Variants in PALM observed in about 807,000 individuals in gnomAD.
PALM encodes paralemmin-1.
In PALM, 18 loss-of-function variants were observed where a neutral mutation model predicts 30.7. The observed-to-expected ratio is 0.59, with a 90% CI of 0.41 to 0.87. PALM has a LOEUF of 0.87. PALM is among the 40% of genes least tolerant of loss of function. The probability of loss-of-function intolerance (pLI) is 0.00; values close to 1 mark genes in which losing one functional copy is unlikely to be tolerated. For synonymous variants in PALM, 286 were observed against 242.8 expected (o/e 1.18, Z -1.66); for missense variants, 529 against 555.4 (o/e 0.95, Z 0.48).
At chr19:740,023 C>T (rs2033140754) in intron 7 of PALM, among the ~76,000 whole-genome samples, 1 of 152,300 alleles carries the variant, frequency 6.6e-6, no homozygotes, top group African/African-American at 2.4e-5. Context: ...TGGGCTGGAA[C>T]CTGAGCTTGA....
chr19:726,926 G>T (rs1209900377), intron 2 of PALM, 82 bp from the exon 3 acceptor site: 5 of 880,002 alleles, frequency 5.7e-6, no homozygotes, highest in Non-Finnish European at 9.1e-6. Context: ...GCAGGATCGG[G>T]CTGGGCAGAG....
At chr19:725,997 C>T (rs2144876992) in intron 1 of PALM, 141 bp from the exon 2 acceptor site, 3 of 707,548 alleles carry the variant, frequency 4.2e-6, no homozygotes, top group East Asian at 5.1e-5. Context: ...CCCCACTTTA[C>T]AGAAGGGGAA....
intron 6 of PALM, 47 bp downstream of exon 6, chr19:734,241 G>A: frequency 6.3e-7 from 1 of 1,587,592 alleles, no homozygotes; most frequent in South Asian, 1.1e-5. Flanking sequence ...CACTCTGGTG[G>A]CCAGAGAGGG....
rs568154178 is a variant in PALM, at chr19:747,323, A to G, written c.*509A>G. The G allele has an allele frequency of 6.4e-6, 1 of 157,002 alleles. No homozygotes were observed. The highest frequency in any genetic ancestry group is 2.4e-5 in the African/African-American group (1 of 41,614). The allele number at this position is 157,002 out of a possible 1,614,324, so 9.7% of individuals were successfully genotyped here. ...TCCCTGGCCAAGGCGCTGGCCCCCC[A>G]ATCTCAGGCAGTTGGGGTGAGGCCG... is the stretch of plus-strand genomic sequence containing the variant. On this transcript the variant is annotated 3_prime_UTR_variant, in exon 9 of 9. Coordinates refer to ENST00000338448, the MANE Select transcript of PALM (RefSeq NM_002579.3).
chr19:731,014 C>T (rs772406282), intron 4 of PALM, 81 bp from the exon 5 acceptor site: 3 of 886,602 alleles, frequency 3.4e-6, no homozygotes, highest in Non-Finnish European at 3.4e-6. Context: ...AAAAAAGACA[C>T]TGGGGAGCTG....
intron 7 of PALM, among the ~76,000 whole-genome samples, chr19:736,320 C>T (rs927227906): frequency 8.5e-5 from 13 of 152,186 alleles, no homozygotes; most frequent in African/African-American, 1.9e-4. Context: ...ACGGGCCCCA[C>T]GCATGGCGGC....
rs1260291678 is a variant in PALM, at chr19:731,191, C to G, written c.366C>G (p.Ala122=). The G allele has an allele frequency of 6.2e-7, 1 of 1,611,312 alleles. No individual in the cohort carries two copies. Among genetic ancestry groups the G allele is most frequent in the Non-Finnish European group, 8.5e-7 (1 of 1,179,326 alleles). ...AAAPSPVRAP[A]PSPAKEERKT... ...CCCCGAGCCCAGTCCGGGCCCCAGCCCCGAGTCCAGCCAAGGAGGAGCGCA... is the reference window on the plus strand; with the variant it reads ...CCCCGAGCCCAGTCCGGGCCCCAGCGCCGAGTCCAGCCAAGGAGGAGCGCA... The change falls in exon 5 of 9, where the codon GCC becomes GCG. Residue 122 remains alanine, a synonymous_variant. Coordinates refer to ENST00000338448, the MANE Select transcript of PALM (RefSeq NM_002579.3).
chr19:713,442 TA>T (rs1193075796), intron 1 of PALM, among the ~76,000 whole-genome samples: 1 of 152,052 alleles, frequency 6.6e-6, no homozygotes, highest in Non-Finnish European at 1.5e-5. Flanking sequence ...TTAGGGGAGA[TA>T]GGGGTAGAGG....
rs776514208 is a variant in PALM, at chr19:734,145, C to T, written c.421-28C>T. The T allele has an allele frequency of 3.7e-6, 6 of 1,613,500 alleles. No homozygotes were observed. The African/African-American group carries it at 8.0e-5, about 22-fold the overall frequency. ...TCCTCTTCCCGGGGATGCTGACGCC[C>T]CTGACCCTTCTCTCTTCTTTCTTGC... On this transcript the variant is annotated intron_variant, in intron 5 of 8. Transcript: ENST00000338448.
At chr19:714,616 C>T (rs1029351763) in intron 1 of PALM, among the ~76,000 whole-genome samples, 1 of 151,756 alleles carries the variant, frequency 6.6e-6, no homozygotes, top group African/African-American at 2.4e-5. Flanking sequence ...CCTCGGCCTC[C>T]CAAAGTGCTG....
intron 5 of PALM, among the ~76,000 whole-genome samples, 191 bp from the exon 6 acceptor site, chr19:733,982 A>G (rs561373621): frequency 1.3e-4 from 20 of 152,228 alleles, no homozygotes; most frequent in African/African-American, 4.1e-4. Context: ...GCGAAACTCC[A>G]TCTCAATAAA....
intron 1 of PALM, among the ~76,000 whole-genome samples, chr19:718,692 G>C (rs2032353065): frequency 6.6e-6 from 1 of 152,108 alleles, no homozygotes; most frequent in Non-Finnish European, 1.5e-5. Flanking sequence ...GATGGCCCTG[G>C]GGGCCTCCGT....
At position 727,937 on chromosome 19, in the gene PALM, A is replaced by G. The variant is rs2032742654; in HGVS notation, c.269+243A>G. On this transcript the variant is annotated intron_variant, in intron 4 of 8. Coordinates refer to ENST00000338448, the MANE Select transcript of PALM (RefSeq NM_002579.3). ...TGGCTGCGTGGCCTCAGGCAGGGAG[A>G]TACCCCTTTCCCTTCCCACCGCCCT... The G allele has an allele frequency of 5.9e-6, 3 of 506,620 alleles. No homozygotes were observed. The South Asian group carries it at 8.0e-5, about 14-fold the overall frequency. The allele number at this position is 506,620 out of a possible 1,614,324, so 31.4% of individuals were successfully genotyped here.
intron 1 of PALM, among the ~76,000 whole-genome samples, chr19:720,305 G>A (rs1175254329): frequency 6.7e-6 from 1 of 150,282 alleles, no homozygotes; most frequent in Non-Finnish European, 1.5e-5. Context: ...GGGCGGCGGC[G>A]CCCGGGTCTG....
intron 4 of PALM, among the ~76,000 whole-genome samples, chr19:729,309 G>C (rs1392126449): frequency 1.3e-5 from 2 of 151,738 alleles, no homozygotes; most frequent in Non-Finnish European, 2.9e-5. Context: ...CTGGGGGACA[G>C]AGCGAGAATC....
chr19:745,199 T>A (rs2033303979), intron 8 of PALM, among the ~76,000 whole-genome samples: 1 of 152,082 alleles, frequency 6.6e-6, no homozygotes, highest in Non-Finnish European at 1.5e-5. Context: ...AAAGAATCCC[T>A]GTAACCTCCA....
At position 742,389 on chromosome 19, in the gene PALM, G is replaced by A. The variant is rs2033219324; in HGVS notation, c.634+1906G>A. ...GGAGGCCGAGGCGGGTGGATCACCT[G>A]AGGTCAGGAGTTCGAGACCAGCCTG... On this transcript the variant is annotated intron_variant, in intron 8 of 8. Transcript: ENST00000338448. The surrounding 1 kb of genome is among the most constrained non-coding windows in gnomAD (Gnocchi z 5.5). Among the ~76,000 whole-genome samples, 1 of 152,128 alleles carries A rather than the reference G, an allele frequency of 6.6e-6. No homozygotes were observed. Among genetic ancestry groups the A allele is most frequent in the African/African-American group, 2.4e-5 (1 of 41,430 alleles).
chr19:722,170 G>A (rs79793124), intron 1 of PALM, among the ~76,000 whole-genome samples: 40,149 of 151,738 alleles, frequency 0.26, 6,046 homozygotes, highest in South Asian at 0.41. Context: ...CGCCCGCCTC[G>A]GCCTCCCAAA....
chr19:736,560 G>C (rs573133727), intron 7 of PALM, among the ~76,000 whole-genome samples: 4 of 152,308 alleles, frequency 2.6e-5, no homozygotes, highest in Admixed American at 2.6e-4. Flanking sequence ...GGGAAGGTGG[G>C]GGTTGACGCT....
Sources: allele counts gnomAD v4.1 joint callset (sites outside exome capture counted in the v4.1 genomes callset), GRCh38; gene constraint gnomAD v4.1.1; non-coding constraint Gnocchi (gnomAD v3.1); transcripts MANE v1.5; gene names NCBI Gene and HGNC (gene_info 2026-07-23, HGNC 2026-07-21).